Variants in ZBTB16 observed in about 807,000 individuals in gnomAD.
ZBTB16 encodes the protein zinc finger and BTB domain-containing protein 16.
Under a neutral mutation model 56.8 loss-of-function variants are expected in ZBTB16, and 8 were observed. That is an observed-to-expected ratio of 0.14 (90% CI 0.08 to 0.25). The LOEUF is 0.25. Among genes scored for constraint, ZBTB16 ranks in the 10% least tolerant of loss-of-function variants. The pLI is 1.00. For synonymous variants in ZBTB16, 363 were observed against 368.5 expected, an observed-to-expected ratio of 0.98 and a Z score of 0.17; for missense variants, 625 against 903.0, an observed-to-expected ratio of 0.69 and a Z score of 3.95.
At chr11:114,095,256 T>TTC (rs1346256655) in intron 2 of ZBTB16, among the ~76,000 whole-genome samples, 3 of 132,746 alleles carry the variant, frequency 2.3e-5, no homozygotes, top group Admixed American at 7.5e-5. Flanking sequence ...TTTTTTTTTT[T>TTC]TTTTTTTTTT....
chr11:114,183,281 G>A (rs974908628), intron 3 of ZBTB16, among the ~76,000 whole-genome samples: 1 of 152,198 alleles, frequency 6.6e-6, no homozygotes, highest in South Asian at 2.1e-4. Flanking sequence ...CGAGGTGGGG[G>A]TGGAGTGGCG....
intron 2 of ZBTB16, among the ~76,000 whole-genome samples, chr11:114,106,989 T>A (rs1040370737): frequency 1.6e-4 from 25 of 152,192 alleles, no homozygotes; most frequent in African/African-American, 6.0e-4. Flanking sequence ...TCGACGAGTT[T>A]TATTTTCAAC....
intron 4 of ZBTB16, among the ~76,000 whole-genome samples, chr11:114,216,637 C>G (rs1371826109): frequency 6.6e-6 from 1 of 152,202 alleles, no homozygotes; most frequent in Admixed American, 6.5e-5. Flanking sequence ...AGCATATACA[C>G]ATTTCTCTTG....
chr11:114,100,596 T>C (rs1162670844), intron 2 of ZBTB16, among the ~76,000 whole-genome samples: 1 of 152,162 alleles, frequency 6.6e-6, no homozygotes, highest in Non-Finnish European at 1.5e-5. Context: ...TATTTTATCC[T>C]CCCTCTCGGG....
intron 2 of ZBTB16, among the ~76,000 whole-genome samples, chr11:114,082,607 G>A (rs1203576632): frequency 6.6e-6 from 1 of 152,068 alleles, no homozygotes; most frequent in Non-Finnish European, 1.5e-5. Flanking sequence ...CTGCCTTCAC[G>A]AGCCTGTCTG....
intron 2 of ZBTB16, among the ~76,000 whole-genome samples, chr11:114,076,713 A>C (rs1291055885): frequency 2.6e-5 from 4 of 151,416 alleles, no homozygotes; most frequent in Admixed American, 6.6e-5. Context: ...GACTCTAAAA[A>C]CATTTTTCTT....
chr11:114,250,260 T>C lies in ZBTB16; in HGVS notation c.1793-66T>C. On this transcript the variant is annotated intron_variant, in intron 6 of 6. Transcript: ENST00000335953. The surrounding 1 kb of genome is among the most constrained non-coding windows in gnomAD (Gnocchi z 6.0). Reference sequence around the variant, plus strand: ...CCAGCTTCCCTGGCACGCCTGAGGGTGACATGGTGCCCTCACCGCCTTCTG... The same window carrying C: ...CCAGCTTCCCTGGCACGCCTGAGGGCGACATGGTGCCCTCACCGCCTTCTG... 6.4e-7 allele frequency: 1 copy of C among 1,555,120 alleles called. No individual in the cohort carries two copies. The highest frequency in any genetic ancestry group is 8.8e-7 in the Non-Finnish European group (1 of 1,139,646).
intron 2 of ZBTB16, among the ~76,000 whole-genome samples, chr11:114,083,887 A>G (rs1372923072): frequency 6.6e-6 from 1 of 151,940 alleles, no homozygotes; most frequent in African/African-American, 2.4e-5. Flanking sequence ...CTCTTCTATG[A>G]TTTTAGTTCC....
chr11:114,228,395 A>G (rs1012865696), intron 4 of ZBTB16, among the ~76,000 whole-genome samples: 5 of 152,208 alleles, frequency 3.3e-5, no homozygotes, highest in Admixed American at 6.5e-5. Context: ...TACTGCCCAT[A>G]TGACTTGCTG....
At chr11:114,107,194 C>T (rs976075728) in intron 2 of ZBTB16, among the ~76,000 whole-genome samples, 2 of 152,120 alleles carry the variant, frequency 1.3e-5, no homozygotes, top group Non-Finnish European at 1.5e-5. Context: ...CGCAAGGTCA[C>T]GCTGTCAACA....
intron 2 of ZBTB16, among the ~76,000 whole-genome samples, chr11:114,118,009 G>A (rs778328550): frequency 6.6e-6 from 1 of 152,132 alleles, no homozygotes; most frequent in South Asian, 2.1e-4. Context: ...ACTGACTGAC[G>A]AAATCATGAC....
intron 2 of ZBTB16, among the ~76,000 whole-genome samples, chr11:114,073,143 C>T (rs1416439841): frequency 6.6e-6 from 1 of 151,346 alleles, no homozygotes; most frequent in African/African-American, 2.4e-5. Context: ...GACCAGGGGG[C>T]TCATGGCTTC....
At position 114,118,613 on chromosome 11, in the gene ZBTB16, T is replaced by C. The variant is rs961099737; in HGVS notation, c.1269-37724T>C. ...ATGAGTAATTCTCAAATATCTATTA[T>C]GGAATCTTAGCACTTGGGGATCACA... On this transcript the variant is annotated intron_variant, in intron 2 of 6. Coordinates refer to ENST00000335953, the MANE Select transcript of ZBTB16 (RefSeq NM_006006.6). Among the ~76,000 whole-genome samples, 3 of 152,202 alleles carry C rather than the reference T, an allele frequency of 2.0e-5. No homozygotes were observed. In the East Asian group the frequency reaches 5.8e-4, roughly 29 times the overall value.
chr11:114,246,840 T>G, intron 5 of ZBTB16: 1 of 322,264 alleles, frequency 3.1e-6, no homozygotes, highest in South Asian at 3.1e-5. Flanking sequence ...ACTTTCACCC[T>G]TAACCTAAAG....
In ZBTB16 at chr11:114,250,342, G is replaced by A; in HGVS notation, c.1809G>A (p.Glu603=). Residue 603 remains glutamate, a synonymous_variant, in exon 7 of 7, where the codon GAG becomes GAA. Transcript: ENST00000335953. This position sits in a 1 kb window ranked among gnomAD's most constrained non-coding sequence, Gnocchi z 6.0. ...CGCCCTCAGGTGAGAAGCCCTTTGA[G>A]TGTAAGCTCTGCCACCAGCGCTCCC... The part of the protein sequence containing the change: ...YRVHTGEKPF[E]CKLCHQRSRD... 1 of 1,613,008 alleles carries A rather than the reference G, an allele frequency of 6.2e-7. No homozygotes were observed.
intron 4 of ZBTB16, among the ~76,000 whole-genome samples, chr11:114,234,466 T>G (rs1057435671): frequency 2.6e-5 from 4 of 152,212 alleles, no homozygotes; most frequent in Non-Finnish European, 5.9e-5. Context: ...GATTGGAGTT[T>G]CCAGGGTTCG....
chr11:114,084,582 G>A (rs1021976586), intron 2 of ZBTB16, among the ~76,000 whole-genome samples: 2 of 152,110 alleles, frequency 1.3e-5, no homozygotes, highest in Non-Finnish European at 2.9e-5. Context: ...GCAGGTGAGC[G>A]GGTGGGGGTT....
intron 3 of ZBTB16, among the ~76,000 whole-genome samples, chr11:114,157,960 TC>T (rs1281985785): frequency 6.6e-6 from 1 of 152,008 alleles, no homozygotes; most frequent in Non-Finnish European, 1.5e-5. Flanking sequence ...AGCCCTAACT[TC>T]CAGGCATTTC....
chr11:114,099,913 G>A (rs1008327208), intron 2 of ZBTB16, among the ~76,000 whole-genome samples: 2 of 152,198 alleles, frequency 1.3e-5, no homozygotes, highest in African/African-American at 4.8e-5. Flanking sequence ...ATGCTCCTGT[G>A]CCTTCCTAAG....
Sources: allele counts gnomAD v4.1 joint callset (sites outside exome capture counted in the v4.1 genomes callset), GRCh38; gene constraint gnomAD v4.1.1; non-coding constraint Gnocchi (gnomAD v3.1); transcripts MANE v1.5; gene names NCBI Gene and HGNC (gene_info 2026-07-23, HGNC 2026-07-21).